LRRC37A2: variants seen among roughly 807,000 people sequenced by gnomAD.
LRRC37A2 encodes the protein leucine-rich repeat-containing protein 37A2.
Under a neutral mutation model 68.8 loss-of-function variants are expected in LRRC37A2, and 9 were observed. That is an observed-to-expected ratio of 0.13 (90% CI 0.08 to 0.23). The LOEUF (loss-of-function observed/expected upper bound fraction) is 0.23, where lower values mean the gene tolerates loss of function less well. LRRC37A2 is among the 10% of genes least tolerant of loss of function. The probability of loss-of-function intolerance (pLI) is 1.00; values close to 1 mark genes in which losing one functional copy is unlikely to be tolerated. For missense variants in LRRC37A2, 168 were observed against 950.4 expected, an observed-to-expected ratio of 0.18 and a Z score of 10.82; for synonymous variants, 63 against 367.6, an observed-to-expected ratio of 0.17 and a Z score of 9.48.
chr17:46,833,418 A>T, the LRRC37A2 span: 1 of 517,450 alleles, frequency 1.9e-6, no homozygotes, highest in Non-Finnish European at 3.9e-6. Context: ...GAGCCTTACC[A>T]GCCCTCTAAG....
the LRRC37A2 span, among the ~76,000 whole-genome samples, chr17:46,684,611 A>G: frequency 4.6e-5 from 7 of 152,066 alleles, no homozygotes; most frequent in Non-Finnish European, 4.4e-5. Flanking sequence ...ATCTACAACC[A>G]TCTGATCTTT....
chr17:46,819,191 C>T, the LRRC37A2 span, among the ~76,000 whole-genome samples: 1 of 152,138 alleles, frequency 6.6e-6, no homozygotes, highest in African/African-American at 2.4e-5. The surrounding 1 kb of genome is among the most constrained non-coding windows in gnomAD (Gnocchi z 5.3). Context: ...GGGGAACGCA[C>T]CCCCTCCCAG....
chr17:46,959,766 T>C, the LRRC37A2 span, among the ~76,000 whole-genome samples: 2 of 152,168 alleles, frequency 1.3e-5, 1 homozygote, highest in South Asian at 4.1e-4. Context: ...ACAAAACTTT[T>C]CCCTTCCCTT....
chr17:46,922,208 A>T, the LRRC37A2 span, among the ~76,000 whole-genome samples: 6 of 152,278 alleles, frequency 3.9e-5, no homozygotes, highest in African/African-American at 1.4e-4. Context: ...CTGGAAACCA[A>T]CATTCTCAGC....
chr17:46,969,238 G>C, the LRRC37A2 span, among the ~76,000 whole-genome samples: 1 of 152,180 alleles, frequency 6.6e-6, no homozygotes, highest in Non-Finnish European at 1.5e-5. Context: ...TCTCCACAAG[G>C]GGAACACTCT....
the LRRC37A2 span, among the ~76,000 whole-genome samples, chr17:46,739,463 C>G: frequency 6.6e-6 from 1 of 151,212 alleles, no homozygotes; most frequent in African/African-American, 2.4e-5. Context: ...CACCTGAGCC[C>G]AGGAGGTCGA....
At chr17:46,497,543 G>C in the LRRC37A2 span, among the ~76,000 whole-genome samples, 1 of 148,232 alleles carries the variant, frequency 6.7e-6, no homozygotes, top group African/African-American at 2.6e-5. Flanking sequence ...AAATGTAAAA[G>C]TATTGCAAAC....
At chr17:46,879,388 G>C in the LRRC37A2 span, among the ~76,000 whole-genome samples, 1 of 152,210 alleles carries the variant, frequency 6.6e-6, no homozygotes, top group Admixed American at 6.5e-5. Context: ...GACCCTCCTT[G>C]TGATGTTTTT....
chr17:46,877,107 T>C, the LRRC37A2 span: 1 of 1,028,916 alleles, frequency 9.7e-7, no homozygotes, highest in Non-Finnish European at 1.2e-6. Flanking sequence ...TCTTGGGAGG[T>C]GAACTGCTGG....
the LRRC37A2 span, among the ~76,000 whole-genome samples, chr17:46,707,131 G>A: frequency 8.1e-3 from 1,236 of 152,248 alleles, 4 homozygotes; most frequent in Non-Finnish European, 0.012. Context: ...GATTACAGGC[G>A]TGAGCCACTG....
At chr17:46,891,240 C>T in the LRRC37A2 span, among the ~76,000 whole-genome samples, 3 of 152,182 alleles carry the variant, frequency 2.0e-5, no homozygotes, top group African/African-American at 7.2e-5. Context: ...TAGCGCATTC[C>T]TGTTTACAAA....
chr17:47,001,051 G>A, the LRRC37A2 span, among the ~76,000 whole-genome samples: 1 of 152,098 alleles, frequency 6.6e-6, no homozygotes, highest in Non-Finnish European at 1.5e-5. Flanking sequence ...CAGAAGAACC[G>A]CTTGAACCTA....
the LRRC37A2 span, chr17:47,018,436 C>T: frequency 6.4e-7 from 1 of 1,567,924 alleles, no homozygotes. Context: ...GTGAAGCCTC[C>T]AGACGTGCAG....
chr17:46,972,490 G>A, the LRRC37A2 span, among the ~76,000 whole-genome samples: 1 of 152,244 alleles, frequency 6.6e-6, no homozygotes, highest in African/African-American at 2.4e-5. Flanking sequence ...CAGCTTTGGA[G>A]CACAAGGTGG....
chr17:46,805,177 A>C, the LRRC37A2 span, among the ~76,000 whole-genome samples: 1 of 151,640 alleles, frequency 6.6e-6, no homozygotes, highest in East Asian at 1.9e-4. Context: ...GCAAACTGGA[A>C]CCCTACCCCT....
the LRRC37A2 span, among the ~76,000 whole-genome samples, chr17:46,852,389 A>AGTGTGTGTGT: frequency 1.2e-3 from 128 of 105,368 alleles, 2 homozygotes; most frequent in African/African-American, 2.4e-3. Context: ...GAGAGGGCCC[A>AGTGTGTGTGT]GTGTGTGTGT....
the LRRC37A2 span, among the ~76,000 whole-genome samples, chr17:46,966,011 T>A: frequency 1.3e-5 from 2 of 151,126 alleles, no homozygotes; most frequent in South Asian, 4.3e-4. Context: ...TGACCTAACC[T>A]TCTCTTTCTT....
chr17:46,921,413 T>C, the LRRC37A2 span, among the ~76,000 whole-genome samples: 15 of 152,212 alleles, frequency 9.9e-5, no homozygotes, highest in Non-Finnish European at 2.9e-5. Context: ...ATTCAGGACA[T>C]AGGCATGGGC....
chr17:46,859,801 A>G, the LRRC37A2 span, among the ~76,000 whole-genome samples: 1 of 152,140 alleles, frequency 6.6e-6, no homozygotes, highest in African/African-American at 2.4e-5. Context: ...CGTTCTAACA[A>G]TATTGAGTCT....
Sources: allele counts gnomAD v4.1 joint callset (sites outside exome capture counted in the v4.1 genomes callset), GRCh38; gene constraint gnomAD v4.1.1; non-coding constraint Gnocchi (gnomAD v3.1); transcripts MANE v1.5; gene names NCBI Gene and HGNC (gene_info 2026-07-23, HGNC 2026-07-21).